CCSER1: variants seen among roughly 807,000 people sequenced by gnomAD.
CCSER1 encodes the protein serine-rich coiled-coil domain-containing protein 1.
In CCSER1, 41 loss-of-function variants were observed where a neutral mutation model predicts 82.0. The ratio of observed to expected loss-of-function variants is 0.50; its 90% CI spans 0.39 to 0.65. The LOEUF is 0.65. Among genes scored for constraint, CCSER1 ranks in the 30% least tolerant of loss-of-function variants. The pLI, the probability that CCSER1 is intolerant of heterozygous loss-of-function variation, is 0.00. For synonymous variants in CCSER1, 414 were observed against 383.9 expected, an observed-to-expected ratio of 1.08 and a Z score of -0.92; for missense variants, 1,119 against 1,064.2, an observed-to-expected ratio of 1.05 and a Z score of -0.72.
At chr4:90,868,969 C>T (rs1462413010) in intron 8 of CCSER1, among the ~76,000 whole-genome samples, 2 of 151,892 alleles carry the variant, frequency 1.3e-5, no homozygotes, top group Non-Finnish European at 2.9e-5. Flanking sequence ...ATGTTGAGCA[C>T]CTTTTCATAT....
At chr4:90,556,416 T>C (rs1778147325) in intron 5 of CCSER1, among the ~76,000 whole-genome samples, 1 of 151,964 alleles carries the variant, frequency 6.6e-6, no homozygotes, top group Admixed American at 6.6e-5. Flanking sequence ...GCTTATTCAG[T>C]CAAAAAAATG....
At position 90,795,635 on chromosome 4, in the gene CCSER1, C is replaced by T. The variant is rs183698920; in HGVS notation, c.2011-20127C>T. 4.1e-4 allele frequency among the ~76,000 whole-genome samples: 62 copies of T among 152,280 alleles called. No homozygotes were observed. In the East Asian group the frequency reaches 0.011, roughly 26 times the overall value. ...AGTGTAGCGTTGGCTGTGGGTTTGT[C>T]ATAGATGGCTCCTATTATTTTTAGG... On this transcript the variant is annotated intron_variant, in intron 7 of 10. Coordinates refer to ENST00000509176, the MANE Select transcript of CCSER1 (RefSeq NM_001145065.2).
chr4:90,174,863 C>T (rs761363407), intron 1 of CCSER1, among the ~76,000 whole-genome samples: 32 of 151,952 alleles, frequency 2.1e-4, no homozygotes, highest in African/African-American at 5.5e-4. Context: ...TATCAAGTGT[C>T]GAGAATGTGG....
intron 5 of CCSER1, among the ~76,000 whole-genome samples, chr4:90,524,387 A>G (rs1289265909): frequency 2.6e-5 from 4 of 152,162 alleles, no homozygotes; most frequent in African/African-American, 9.7e-5. Context: ...TAGCAGAAAA[A>G]CAGTGGGATG....
intron 1 of CCSER1, among the ~76,000 whole-genome samples, chr4:90,213,540 G>GGTGTACATA (rs1740430924): frequency 6.6e-6 from 1 of 152,082 alleles, no homozygotes; most frequent in African/African-American, 2.4e-5. Context: ...CTGGCAGAGG[G>GGTGTACATA]GTGTACATAA....
chr4:91,548,578 A>G (rs1216266900), intron 10 of CCSER1, among the ~76,000 whole-genome samples: 2 of 144,818 alleles, frequency 1.4e-5, no homozygotes, highest in African/African-American at 2.6e-5. Context: ...TTTTTTTTTG[A>G]AAGTCTTTAT....
intron 10 of CCSER1, among the ~76,000 whole-genome samples, chr4:91,322,497 A>T (rs1469329829): frequency 1.3e-5 from 2 of 152,092 alleles, no homozygotes; most frequent in Admixed American, 1.3e-4. Context: ...TACAGATTAT[A>T]CTCCAAACTC....
intron 7 of CCSER1, among the ~76,000 whole-genome samples, chr4:90,729,402 A>G (rs986816569): frequency 2.6e-5 from 4 of 152,202 alleles, no homozygotes; most frequent in Admixed American, 6.5e-5. Flanking sequence ...TATTTATTTT[A>G]TACGCTTGAG....
intron 7 of CCSER1, among the ~76,000 whole-genome samples, chr4:90,785,486 A>G (rs1270783449): frequency 1.3e-5 from 2 of 152,250 alleles, no homozygotes; most frequent in Non-Finnish European, 2.9e-5. Flanking sequence ...ATTTACATTG[A>G]TAATCAAAGT....
intron 3 of CCSER1, among the ~76,000 whole-genome samples, chr4:90,355,841 C>G (rs1744281120): frequency 6.6e-6 from 1 of 151,848 alleles, no homozygotes; most frequent in African/African-American, 2.4e-5. Flanking sequence ...TAAAGGTTTC[C>G]AAGGACTTTA....
chr4:90,328,043 G>C (rs1738548491), intron 3 of CCSER1, among the ~76,000 whole-genome samples: 1 of 152,004 alleles, frequency 6.6e-6, no homozygotes, highest in East Asian at 1.9e-4. Flanking sequence ...AGCTATTTCT[G>C]CCATTTGATC....
chr4:90,141,274 C>T (rs998007671), intron 1 of CCSER1, among the ~76,000 whole-genome samples: 1 of 152,134 alleles, frequency 6.6e-6, no homozygotes, highest in Non-Finnish European at 1.5e-5. Flanking sequence ...GGGTAATCTG[C>T]TTTACTTAAA....
At chr4:90,708,273 A>G (rs1425858590) in intron 6 of CCSER1, among the ~76,000 whole-genome samples, 2 of 152,214 alleles carry the variant, frequency 1.3e-5, no homozygotes, top group African/African-American at 4.8e-5. Context: ...TTATGATCTG[A>G]GGCTTAATGT....
chr4:90,811,995 C>T (rs201978556), intron 7 of CCSER1, among the ~76,000 whole-genome samples: 11,536 of 142,084 alleles, frequency 0.081, 563 homozygotes, highest in Admixed American at 0.12. Flanking sequence ...TATATAAACA[C>T]ATATATATAT....
chr4:91,116,424 A>G (rs1203595935), intron 10 of CCSER1, among the ~76,000 whole-genome samples: 1 of 152,182 alleles, frequency 6.6e-6, no homozygotes, highest in Non-Finnish European at 1.5e-5. Context: ...CTTTGGAACC[A>G]GAATGCCCGC....
In CCSER1 at chr4:91,078,806, T is replaced by A. The variant is rs535328504; in HGVS notation, c.2173-7144T>A. Among the ~76,000 whole-genome samples, 3 of 152,304 alleles carry A rather than the reference T, an allele frequency of 2.0e-5. No individual in the cohort carries two copies. The South Asian group carries it at 6.2e-4, about 32-fold the overall frequency. On this transcript the variant is annotated intron_variant, in intron 9 of 10. Coordinates refer to ENST00000509176, the MANE Select transcript of CCSER1 (RefSeq NM_001145065.2). ...AATGCACAAGCTTCAATAGCAGATTTAATCAAATGGAAGAAAGGGTATCAG... is the reference window on the plus strand; with the variant it reads ...AATGCACAAGCTTCAATAGCAGATTAAATCAAATGGAAGAAAGGGTATCAG...
chr4:91,489,701 T>C (rs1249014033), intron 10 of CCSER1, among the ~76,000 whole-genome samples: 1 of 152,004 alleles, frequency 6.6e-6, no homozygotes, highest in African/African-American at 2.4e-5. Context: ...GGTAGGAGAA[T>C]CACTTGAACC....
intron 1 of CCSER1, among the ~76,000 whole-genome samples, chr4:90,216,030 A>G (rs1027919445): frequency 2.0e-5 from 3 of 152,162 alleles, no homozygotes; most frequent in African/African-American, 7.2e-5. Context: ...TGATGGATAA[A>G]ATTTGTCACT....
intron 10 of CCSER1, among the ~76,000 whole-genome samples, chr4:91,090,940 ATTCT>A (rs2148825858): frequency 6.6e-6 from 1 of 152,162 alleles, no homozygotes; most frequent in African/African-American, 2.4e-5. Context: ...GTGATTACTA[ATTCT>A]TAAAGGTTGC....
Sources: allele counts gnomAD v4.1 joint callset (sites outside exome capture counted in the v4.1 genomes callset), GRCh38; gene constraint gnomAD v4.1.1; transcripts MANE v1.5; gene names NCBI Gene and HGNC (gene_info 2026-07-23, HGNC 2026-07-21).